The following CFAP299 variants were observed in gnomAD, a reference collection of about 807,000 sequenced individuals.
CFAP299 encodes cilia and flagella associated protein 299, also known as cilia- and flagella-associated protein 299.
CFAP299 carries 21 observed loss-of-function variants against 27.0 expected under a neutral mutation model. The observed-to-expected ratio is 0.78, with a 90% CI of 0.55 to 1.12. The LOEUF is 1.12. Ranked by LOEUF, CFAP299 falls within the 50% of genes most tolerant of loss-of-function variation. CFAP299 has a pLI of 0.00. For synonymous variants in CFAP299, 104 were observed against 98.1 expected, an observed-to-expected ratio of 1.06 and a Z score of -0.36; for missense variants, 310 against 276.6, an observed-to-expected ratio of 1.12 and a Z score of -0.86.
intron 3 of CFAP299, among the ~76,000 whole-genome samples, chr4:80,648,451 T>C (rs547757135): frequency 6.0e-4 from 91 of 152,278 alleles, no homozygotes; most frequent in Middle Eastern, 3.4e-3. Context: ...TTTAACAAAC[T>C]CACTAATGAC....
intron 4 of CFAP299, among the ~76,000 whole-genome samples, chr4:80,890,586 T>C (rs1734219488): frequency 2.0e-5 from 3 of 150,210 alleles, no homozygotes; most frequent in African/African-American, 7.4e-5. Flanking sequence ...AGTAATGGGA[T>C]GGCTGGGTCA....
Position 80,932,981 on chromosome 4 carries a change from C to A in CFAP299, c.477-11829C>A, listed in dbSNP as rs573158900. ...TTAAATGTCACGATGATTAATATAA[C>A]ATCTTCTATATTCCATTTTATTAAA... On this transcript the variant is annotated intron_variant, in intron 4 of 5. Transcript: ENST00000358105. 4.0e-3 allele frequency among the ~76,000 whole-genome samples: 615 copies of A among 152,036 alleles called. 1 individual carries two copies. The highest frequency in any genetic ancestry group is 0.014 in the Middle Eastern group (4 of 294).
At chr4:80,358,907 A>G (rs369184892) in intron 1 of CFAP299, among the ~76,000 whole-genome samples, 2 of 152,100 alleles carry the variant, frequency 1.3e-5, no homozygotes, top group African/African-American at 4.8e-5. Context: ...TTGTTGCTTC[A>G]TAGTGTCACT....
intron 3 of CFAP299, among the ~76,000 whole-genome samples, chr4:80,606,363 C>T (rs548871500): frequency 1.3e-5 from 2 of 152,106 alleles, no homozygotes; most frequent in Admixed American, 6.5e-5. Context: ...GGTGAAACCC[C>T]GTCTCTACTA....
chr4:80,643,425 G>A (rs1250407631), intron 3 of CFAP299, among the ~76,000 whole-genome samples: 1 of 152,174 alleles, frequency 6.6e-6, no homozygotes, highest in African/African-American at 2.4e-5. Flanking sequence ...AAGGATTGTG[G>A]ATAAATGGGC....
intron 2 of CFAP299, among the ~76,000 whole-genome samples, chr4:80,380,422 AT>A (rs10701207): frequency 0.022 from 2,108 of 96,036 alleles, 38 homozygotes; most frequent in African/African-American, 0.069. Context: ...TGTGTCTCAC[AT>A]TTTTTTTTTT....
At chr4:80,396,491 G>A (rs1353776197) in intron 2 of CFAP299, among the ~76,000 whole-genome samples, 6 of 152,050 alleles carry the variant, frequency 3.9e-5, no homozygotes, top group African/African-American at 1.2e-4. Context: ...TATTTTATTA[G>A]CATTGGTATT....
chr4:80,481,997 T>C (rs1482544802), intron 2 of CFAP299, among the ~76,000 whole-genome samples: 1 of 151,934 alleles, frequency 6.6e-6, no homozygotes, highest in Non-Finnish European at 1.5e-5. Context: ...AATATGGAAA[T>C]GCACATGATT....
intron 2 of CFAP299, among the ~76,000 whole-genome samples, chr4:80,406,801 T>C (rs1453975546): frequency 1.3e-5 from 2 of 152,312 alleles, no homozygotes; most frequent in South Asian, 2.1e-4. Context: ...TTAAAGCTAT[T>C]GATAGGCATC....
intron 4 of CFAP299, among the ~76,000 whole-genome samples, chr4:80,880,145 A>AG (rs1045671804): frequency 2.0e-5 from 3 of 152,082 alleles, no homozygotes; most frequent in Non-Finnish European, 2.9e-5. Context: ...GCGGGGAGAA[A>AG]GGGGGGGAGA....
intron 2 of CFAP299, among the ~76,000 whole-genome samples, chr4:80,461,520 T>C (rs1479707317): frequency 6.6e-6 from 1 of 152,160 alleles, no homozygotes; most frequent in African/African-American, 2.4e-5. Context: ...TGGTCAGCCT[T>C]AAGGTCTCTG....
chr4:80,352,818 A>G (rs1431110288), intron 1 of CFAP299, among the ~76,000 whole-genome samples: 1 of 152,122 alleles, frequency 6.6e-6, no homozygotes, highest in East Asian at 1.9e-4. Context: ...TAAATAACGC[A>G]ATGTCAAAAA....
chr4:80,739,111 T>C (rs1302606192), intron 3 of CFAP299, among the ~76,000 whole-genome samples: 1 of 152,160 alleles, frequency 6.6e-6, no homozygotes, highest in Non-Finnish European at 1.5e-5. Context: ...ATTATTGTAC[T>C]GTCCATGTCT....
At chr4:80,912,802 G>A (rs1293487464) in intron 4 of CFAP299, among the ~76,000 whole-genome samples, 1 of 152,112 alleles carries the variant, frequency 6.6e-6, no homozygotes, top group Non-Finnish European at 1.5e-5. Flanking sequence ...CACTGGCCAG[G>A]CTACCCTCCT....
intron 2 of CFAP299, among the ~76,000 whole-genome samples, chr4:80,480,333 A>T (rs1275753631): frequency 1.3e-5 from 2 of 151,892 alleles, no homozygotes; most frequent in Non-Finnish European, 2.9e-5. Flanking sequence ...CCAAACCAGA[A>T]GTGGTTTAGG....
intron 3 of CFAP299, among the ~76,000 whole-genome samples, chr4:80,586,197 T>C (rs1736428656): frequency 6.6e-6 from 1 of 152,060 alleles, no homozygotes; most frequent in African/African-American, 2.4e-5. Context: ...ATATTTATTA[T>C]TGAAAATATA....
chr4:80,386,233 GC>G, intron 2 of CFAP299: 1 of 1,062,266 alleles, frequency 9.4e-7, no homozygotes, highest in Non-Finnish European at 1.4e-6. Flanking sequence ...TGGGCCCTCG[GC>G]CCCGGCCTGC....
intron 3 of CFAP299, among the ~76,000 whole-genome samples, chr4:80,726,755 G>A (rs1025894710): frequency 1.3e-5 from 2 of 152,074 alleles, no homozygotes; most frequent in African/African-American, 2.4e-5. Flanking sequence ...CACCAGTGGT[G>A]GAATAAAGTA....
intron 3 of CFAP299, among the ~76,000 whole-genome samples, chr4:80,755,256 G>A (rs758354628): frequency 2.6e-5 from 4 of 151,948 alleles, no homozygotes; most frequent in Admixed American, 6.6e-5. Context: ...ACATTAGGCT[G>A]CATGTAAAAT....
Sources: gnomAD v4.1 joint callset for allele counts (sites outside exome capture counted in the v4.1 genomes callset) on GRCh38, gnomAD v4.1.1 for gene constraint, MANE v1.5 for transcripts, NCBI Gene and HGNC (gene_info 2026-07-23, HGNC 2026-07-21) for gene names.